Variants in MPZL1 observed in about 807,000 individuals in gnomAD.
The protein encoded by MPZL1 is myelin protein zero like 1.
MPZL1 carries 16 observed loss-of-function variants against 29.3 expected under a neutral mutation model. The ratio of observed to expected loss-of-function variants is 0.55; its 90% confidence interval spans 0.37 to 0.83. MPZL1 has a LOEUF of 0.83. MPZL1 is among the 40% of genes least tolerant of loss of function. MPZL1 has a pLI of 0.00. For missense variants in MPZL1, 279 were observed against 332.9 expected (o/e 0.84, Z 1.26); for synonymous variants, 143 against 132.0 (o/e 1.08, Z -0.57).
intron 1 of MPZL1, among the ~76,000 whole-genome samples, chr1:167,739,098 T>C: frequency 6.6e-6 from 1 of 151,522 alleles, no homozygotes; most frequent in Non-Finnish European, 1.5e-5. Flanking sequence ...CACACCACCA[T>C]GCCCAGCTAA....
chr1:167,755,516 A>G (rs1019770611), intron 1 of MPZL1, among the ~76,000 whole-genome samples: 3 of 152,162 alleles, frequency 2.0e-5, no homozygotes, highest in Admixed American at 6.5e-5. Context: ...CATGTTCTTT[A>G]TGTTAAGCAT....
At chr1:167,749,603 AG>A (rs1408094487) in intron 1 of MPZL1, among the ~76,000 whole-genome samples, 9 of 152,370 alleles carry the variant, frequency 5.9e-5, no homozygotes, top group African/African-American at 2.2e-4. Flanking sequence ...CCTGTAACAC[AG>A]TTCTTCACTA....
At chr1:167,785,189 T>C (rs778173726) in intron 5 of MPZL1, among the ~76,000 whole-genome samples, 8 of 152,258 alleles carry the variant, frequency 5.3e-5, no homozygotes, top group Non-Finnish European at 1.0e-4. Flanking sequence ...TGATCTCTGC[T>C]GGCTCACTTG....
chr1:167,790,465 C>T lies in MPZL1; in HGVS notation c.*2544C>T, dbSNP rs1407475469. On this transcript the variant is annotated 3_prime_UTR_variant, in exon 6 of 6. Coordinates refer to ENST00000359523, the MANE Select transcript of MPZL1 (RefSeq NM_003953.6). The stretch of plus-strand genomic sequence containing the variant: ...GGAAGCTGCTCACACTGAGATGAGC[C>T]TCTCAGGGCAGGACCTCTTCCCAAG... 6.6e-6 allele frequency: 1 copy of T among 152,290 alleles called. No individual in the cohort carries two copies. Among genetic ancestry groups the T allele is most frequent in the Non-Finnish European group, 1.5e-5 (1 of 68,090 alleles). The allele number at this position is 152,290 out of a possible 1,614,324, so 9.4% of individuals were successfully genotyped here.
rs1259741314 is a variant in MPZL1 at position 167,776,100 on chromosome 1, G to GT, written c.642_643insT (p.Ala215CysfsTer10). The GT allele has an allele frequency of 1.9e-6, 3 of 1,612,320 alleles. No individual in the cohort carries two copies. Among genetic ancestry groups the GT allele is most frequent in the Non-Finnish European group, 2.5e-6 (3 of 1,179,010 alleles). On this transcript the variant is annotated frameshift_variant, in exon 5 of 6. Transcript: ENST00000359523. LOFTEE classifies it high-confidence loss of function. ...CAGAGAGTTTGTCACCAGTTAAGCA[G>GT]GCTCCTCGGAAGTCCCCCTCCGACA...
intron 1 of MPZL1, among the ~76,000 whole-genome samples, chr1:167,744,963 A>G (rs1215081203): frequency 6.6e-6 from 1 of 152,146 alleles, no homozygotes; most frequent in East Asian, 1.9e-4. Context: ...GTGGAAACTG[A>G]TGATACCATA....
At chr1:167,739,284 T>TATATAC (rs1553254288) in intron 1 of MPZL1, among the ~76,000 whole-genome samples, 14 of 73,998 alleles carry the variant, frequency 1.9e-4, no homozygotes, top group South Asian at 4.0e-4. Flanking sequence ...CATATATACA[T>TATATAC]ATATATATAT....
Position 167,722,206 on chromosome 1 carries a change from T to C in MPZL1, c.55T>C (p.Trp19Arg). The C allele has an allele frequency of 8.1e-7, 1 of 1,238,742 alleles. No homozygotes were observed. The highest frequency in any genetic ancestry group is 4.1e-5 in the South Asian group (1 of 24,466). 76.7% of individuals were successfully genotyped at this position (1,238,742 alleles called of 1,614,324 possible). A position where few individuals can be genotyped will look rare whatever the true frequency, so the allele number is the denominator to read the frequency against. The change falls in exon 1 of 6, where the codon TGG (tryptophan) becomes CGG (arginine). Residue 19 changes from tryptophan (W) to arginine (R), a missense_variant. Trp to Arg is a moderately radical substitution (Grantham distance 101, BLOSUM62 -3). Transcript: ENST00000359523. Reference protein sequence around the residue: ...AVIAAPDSRRWLWSVLAAALG... With the variant: ...AVIAAPDSRRRLWSVLAAALG... ...GATTGCAGCCCCAGACAGCCGGCGC[T>C]GGCTGTGGTCGGTGCTGGCGGCGGC...
At position 167,790,009 on chromosome 1, in the gene MPZL1, A is replaced by C. The variant is rs1370580567; in HGVS notation, c.*2088A>C. ...TGCCACCATGAAAACCACATAGCTG[A>C]CCAGGGCTGTGCTTGAGGTACAGAG... On this transcript the variant is annotated 3_prime_UTR_variant, in exon 6 of 6. Transcript: ENST00000359523. The C allele has an allele frequency of 6.6e-6, 1 of 152,214 alleles. No individual in the cohort carries two copies. Among genetic ancestry groups the C allele is most frequent in the African/African-American group, 2.4e-5 (1 of 41,448 alleles). 9.4% of individuals were successfully genotyped at this position (152,214 alleles called of 1,614,324 possible). A position where few individuals can be genotyped will look rare whatever the true frequency, so the allele number is the denominator to read the frequency against.
intron 1 of MPZL1, among the ~76,000 whole-genome samples, chr1:167,728,364 T>TTC (rs1660197229): frequency 1.4e-5 from 1 of 70,658 alleles, no homozygotes; most frequent in Non-Finnish European, 2.6e-5. Context: ...CTTTCTTTCT[T>TTC]TTTTTTTTTT....
rs540651944 is a variant in MPZL1, at chr1:167,771,933, G to A, written c.259-342G>A. Among the ~76,000 whole-genome samples the A allele has an allele frequency of 2.1e-4, 32 of 152,270 alleles. No individual in the cohort carries two copies. The South Asian group carries it at 6.0e-3, about 29-fold the overall frequency. ...CAGGTCAGGAGCTGGAGGCCAGCCC[G>A]GTCAACACGGCAAAACCCCTCTCCA... On this transcript the variant is annotated intron_variant, in intron 2 of 5. Transcript: ENST00000359523.
At chr1:167,733,606 G>A (rs111575144) in intron 1 of MPZL1, among the ~76,000 whole-genome samples, 8 of 152,048 alleles carry the variant, frequency 5.3e-5, no homozygotes, top group African/African-American at 1.2e-4. Flanking sequence ...TTAGCTGGGC[G>A]TGATGATGCG....
intron 1 of MPZL1, among the ~76,000 whole-genome samples, chr1:167,743,696 T>A (rs181166549): frequency 1.3e-5 from 2 of 151,664 alleles, no homozygotes; most frequent in African/African-American, 2.4e-5. Flanking sequence ...AGTTCTTGAT[T>A]TGATTCTCAG....
intron 5 of MPZL1, among the ~76,000 whole-genome samples, chr1:167,777,985 T>G (rs2157600): frequency 0.75 from 114,135 of 152,150 alleles, 43,342 homozygotes; most frequent in African/African-American, 0.86. Flanking sequence ...ACAAAATTCA[T>G]CACCCAACAA....
Position 167,722,233 on chromosome 1 carries a change from C to A in MPZL1, c.82C>A (p.Leu28Ile). 8.1e-7 allele frequency: 1 copy of A among 1,239,302 alleles called. No homozygotes were observed. The highest frequency in any genetic ancestry group is 1.0e-6 in the Non-Finnish European group (1 of 987,928). 76.8% of individuals were successfully genotyped at this position (1,239,302 alleles called of 1,614,324 possible). ...GCTGTGGTCGGTGCTGGCGGCGGCG[C>A]TTGGGCTCTGTAAGTGATGCCAGGA... ...RWLWSVLAAA[L>I]GLLTAGVSAL... The change falls in exon 1 of 6, where the codon CTT (leucine) becomes ATT (isoleucine). Residue 28 changes from leucine (L) to isoleucine (I), a missense_variant. Physicochemically the swap from Leu to Ile is conservative, Grantham distance 5. Transcript: ENST00000359523.
At chr1:167,784,782 A>G (rs559791496) in intron 5 of MPZL1, among the ~76,000 whole-genome samples, 4 of 152,368 alleles carry the variant, frequency 2.6e-5, no homozygotes, top group African/African-American at 9.6e-5. Flanking sequence ...TCCCTGACTT[A>G]AGACCTTATT....
chr1:167,788,446 T>TTTTAAAAAAG lies in MPZL1; in HGVS notation c.*526_*527insTTAAAAAAGT, dbSNP rs1265345451. ...GTCTGCCGCTTTTAAAAAATACCCA[T>TTTTAAAAAAG]TGGCTATGCCACTTGAAAACAATTT... On this transcript the variant is annotated 3_prime_UTR_variant, in exon 6 of 6. Transcript: ENST00000359523. 6.6e-6 allele frequency: 1 copy of TTTTAAAAAAG among 152,664 alleles called. No individual in the cohort carries two copies. The highest frequency in any genetic ancestry group is 2.4e-5 in the African/African-American group (1 of 41,456). 9.5% of individuals were successfully genotyped at this position (152,664 alleles called of 1,614,324 possible). A position where few individuals can be genotyped will look rare whatever the true frequency, so the allele number is the denominator to read the frequency against.
At chr1:167,756,429 A>ATTTTTTTTTTTTTTTTTTT (rs11455159) in intron 1 of MPZL1, among the ~76,000 whole-genome samples, 1 of 94,632 alleles carries the variant, frequency 1.1e-5, no homozygotes, top group Non-Finnish European at 2.0e-5. Context: ...GTCTGGCCAG[A>ATTTTTTTTTTTTTTTTTTT]TTTTTTTTTT....
chr1:167,734,661 C>T (rs1390209952), intron 1 of MPZL1, among the ~76,000 whole-genome samples: 1 of 152,146 alleles, frequency 6.6e-6, no homozygotes, highest in Non-Finnish European at 1.5e-5. Flanking sequence ...CCTCCTGAGA[C>T]TTAAGTCTAG....
Sources: allele counts gnomAD v4.1 joint callset (sites outside exome capture counted in the v4.1 genomes callset), GRCh38; gene constraint gnomAD v4.1.1; transcripts MANE v1.5; gene names NCBI Gene and HGNC (gene_info 2026-07-23, HGNC 2026-07-21).